ANO4: variants seen among roughly 807,000 people sequenced by gnomAD.
The protein encoded by ANO4 is anoctamin-4.
In ANO4, 69 loss-of-function variants were observed where a neutral mutation model predicts 141.9. The observed-to-expected ratio is 0.49, with a 90% CI of 0.40 to 0.59. The LOEUF (loss-of-function observed/expected upper bound fraction) is 0.59, where lower values mean the gene tolerates loss of function less well. ANO4 is among the 20% of genes least tolerant of loss of function. The pLI is 0.00. For missense variants in ANO4, 894 were observed against 1,162.2 expected (o/e 0.77, Z 3.36); for synonymous variants, 350 against 394.3 (o/e 0.89, Z 1.33).
At chr12:100,996,962 G>A (rs1264508972) in intron 8 of ANO4, among the ~76,000 whole-genome samples, 1 of 152,174 alleles carries the variant, frequency 6.6e-6, no homozygotes, top group Non-Finnish European at 1.5e-5. Flanking sequence ...GTGAGGGTAA[G>A]GGTAGAATAA....
chr12:100,816,628 A>G (rs1441470137), intron 1 of ANO4, among the ~76,000 whole-genome samples: 2 of 152,000 alleles, frequency 1.3e-5, no homozygotes, highest in Non-Finnish European at 2.9e-5. Flanking sequence ...AGTAGAAATT[A>G]GAGTCAATAG....
chr12:100,900,812 A>T (rs73148809), intron 1 of ANO4, among the ~76,000 whole-genome samples: 29,450 of 152,186 alleles, frequency 0.19, 3,105 homozygotes, highest in Non-Finnish European at 0.24. Context: ...ATCAACTAAT[A>T]AAAAATGGCT....
intron 1 of ANO4, among the ~76,000 whole-genome samples, chr12:100,824,437 C>A (rs529117414): frequency 1.3e-3 from 191 of 150,964 alleles, no homozygotes; most frequent in South Asian, 5.7e-3. Flanking sequence ...AACAAACAAA[C>A]AAAAAAAAAC....
chr12:100,923,987 TG>T lies in ANO4; in HGVS notation c.160+1658del, dbSNP rs199699945. Among the ~76,000 whole-genome samples the T allele has an allele frequency of 8.8e-3, 1,337 of 152,254 alleles. 25 individuals carry two copies. The highest frequency in any genetic ancestry group is 0.031 in the African/African-American group (1,273 of 41,520). On this transcript the variant is annotated intron_variant, in intron 3 of 27. Coordinates refer to ENST00000392977, the MANE Select transcript of ANO4 (RefSeq NM_001286615.2). ...TTGCCCACTTTTTGATGGGGTTGTT[TG>T]TTTTTTTTCTTGTAAATTTATCTGA...
intron 5 of ANO4, among the ~76,000 whole-genome samples, chr12:100,952,508 T>C (rs2043010820): frequency 6.6e-6 from 1 of 152,212 alleles, no homozygotes; most frequent in Non-Finnish European, 1.5e-5. Flanking sequence ...CATTCAATCC[T>C]GTCACCTCTT....
intron 14 of ANO4, chr12:101,069,191 G>T: frequency 7.8e-7 from 1 of 1,282,102 alleles, no homozygotes; most frequent in Non-Finnish European, 1.1e-6. Context: ...GAGGAACAGT[G>T]TCTCCCTTTT....
chr12:100,983,943 T>A (rs1277971220), intron 7 of ANO4, among the ~76,000 whole-genome samples: 1 of 151,942 alleles, frequency 6.6e-6, no homozygotes, highest in East Asian at 1.9e-4. Context: ...CATGTTTGAG[T>A]GTTTGGTTTA....
At chr12:100,790,032 A>G (rs545789480), upstream of ANO4, among the ~76,000 whole-genome samples, 11 of 152,328 alleles carry the variant, frequency 7.2e-5, no homozygotes, top group African/African-American at 2.6e-4. Flanking sequence ...TGAAGATGGC[A>G]TTGAACTGGG....
At chr12:100,939,510 C>T (rs2042420791) in intron 4 of ANO4, 59 bp downstream of exon 4, 2 of 1,581,796 alleles carry the variant, frequency 1.3e-6, no homozygotes, top group Non-Finnish European at 1.7e-6. Context: ...ACCTGTGAAG[C>T]ATGTTCCAAT....
chr12:100,724,253 G>A (rs2031004212), intron 1 of ANO4, among the ~76,000 whole-genome samples: 1 of 152,204 alleles, frequency 6.6e-6, no homozygotes, highest in Non-Finnish European at 1.5e-5. Context: ...CCGGGATAAT[G>A]AGCACCAGAC....
intron 14 of ANO4, among the ~76,000 whole-genome samples, chr12:101,056,761 A>G (rs1287851239): frequency 9.9e-5 from 15 of 151,738 alleles, no homozygotes; most frequent in African/African-American, 3.6e-4. Context: ...CATTCCTTCT[A>G]TTATTAGGAA....
intron 1 of ANO4, among the ~76,000 whole-genome samples, chr12:100,730,769 T>G (rs1374623878): frequency 6.6e-6 from 1 of 152,194 alleles, no homozygotes; most frequent in African/African-American, 2.4e-5. Flanking sequence ...GGTTTGGAGA[T>G]GTTTCTTAGG....
intron 9 of ANO4, among the ~76,000 whole-genome samples, chr12:101,029,452 C>G (rs2046876976): frequency 6.6e-6 from 1 of 151,980 alleles, no homozygotes; most frequent in Non-Finnish European, 1.5e-5. Context: ...TGCAAAGACC[C>G]CCATAGGCTC....
At chr12:100,908,166 G>C (rs1296897629) in intron 2 of ANO4, among the ~76,000 whole-genome samples, 1 of 151,970 alleles carries the variant, frequency 6.6e-6, no homozygotes, top group Admixed American at 6.6e-5. Flanking sequence ...TCAAGACCAG[G>C]TGGAGAAACC....
upstream of ANO4, among the ~76,000 whole-genome samples, chr12:100,791,235 C>G (rs1025690491): frequency 6.6e-6 from 1 of 151,842 alleles, no homozygotes; most frequent in African/African-American, 2.4e-5. Context: ...GAAAATTAGC[C>G]GGGTGTGGTG....
At chr12:100,804,872 T>C (rs1227912141) in intron 1 of ANO4, among the ~76,000 whole-genome samples, 2 of 152,190 alleles carry the variant, frequency 1.3e-5, no homozygotes, top group African/African-American at 4.8e-5. Flanking sequence ...GATGGATAGA[T>C]TGAAAAAATT....
At chr12:100,983,715 A>G (rs757365097) in intron 7 of ANO4, among the ~76,000 whole-genome samples, 1 of 152,168 alleles carries the variant, frequency 6.6e-6, no homozygotes, top group East Asian at 1.9e-4. Context: ...CTTCTGCCAC[A>G]TCCCTCCTGC....
At chr12:101,075,496 T>C (rs1328895740) in intron 14 of ANO4, among the ~76,000 whole-genome samples, 3 of 148,966 alleles carry the variant, frequency 2.0e-5, no homozygotes, top group African/African-American at 7.4e-5. Flanking sequence ...AAAATTCTTG[T>C]GGAAAGAGTT....
At chr12:100,801,372 T>C (rs2034679021) in intron 1 of ANO4, among the ~76,000 whole-genome samples, 1 of 152,156 alleles carries the variant, frequency 6.6e-6, no homozygotes, top group Non-Finnish European at 1.5e-5. Flanking sequence ...ATGTAGTTCA[T>C]TAGAAATTCT....
Sources: gnomAD v4.1 joint callset for allele counts (sites outside exome capture counted in the v4.1 genomes callset) on GRCh38, gnomAD v4.1.1 for gene constraint, MANE v1.5 for transcripts, NCBI Gene and HGNC (gene_info 2026-07-23, HGNC 2026-07-21) for gene names.